SNRPB: variants seen among roughly 807,000 people sequenced by gnomAD.
SNRPB encodes small nuclear ribonucleoprotein-associated proteins B and B'.
A neutral mutation model predicts 26.6 loss-of-function variants in SNRPB; 5 were observed. The observed-to-expected ratio is 0.19, with a 90% confidence interval of 0.10 to 0.39. The LOEUF (loss-of-function observed/expected upper bound fraction) is 0.39, where lower values mean the gene tolerates loss of function less well. Among genes scored for constraint, SNRPB ranks in the 10% least tolerant of loss-of-function variants. SNRPB has a pLI of 1.00. For missense variants in SNRPB, 211 were observed against 311.9 expected, an observed-to-expected ratio of 0.68 and a Z score of 2.44; for synonymous variants, 122 against 105.8, an observed-to-expected ratio of 1.15 and a Z score of -0.94.
chr20:2,467,042 G>T, intron 2 of SNRPB: 1 of 268,790 alleles, frequency 3.7e-6, no homozygotes, highest in Non-Finnish European at 7.5e-6. Context: ...CTTTTAATGG[G>T]CCAAAAGCTT....
intron 2 of SNRPB, 117 bp downstream of exon 2, chr20:2,467,490 A>C: frequency 1.0e-6 from 1 of 958,738 alleles, no homozygotes; most frequent in Non-Finnish European, 1.6e-6. Flanking sequence ...CTGCCCTCTA[A>C]AACTGGAGAA....
rs376830313 is a variant in SNRPB at position 2,465,688 on chromosome 20, G to A, written c.267+20C>T. On this transcript the variant is annotated intron_variant, in intron 3 of 6. Transcript: ENST00000381342. Reference sequence around the variant, plus strand: ...CAGTAGGGCCTCCCCTCCTCCACAAGGCTTCCTGCTCTGACTTACATCTTT... The same window carrying A: ...CAGTAGGGCCTCCCCTCCTCCACAAAGCTTCCTGCTCTGACTTACATCTTT... The A allele has an allele frequency of 1.3e-6, 2 of 1,546,792 alleles. No individual in the cohort carries two copies. The highest frequency in any genetic ancestry group is 1.4e-5 in the African/African-American group (1 of 73,476).
chr20:2,470,664 G>T, intron 1 of SNRPB, 24 bp downstream of exon 1: 1 of 1,613,376 alleles, frequency 6.2e-7, no homozygotes, highest in Non-Finnish European at 8.5e-7. Flanking sequence ...AAGCTCCCGC[G>T]CCGCCAGCCT....
chr20:2,461,760 G>A lies in SNRPB; in HGVS notation c.*169C>T. 1.2e-6 allele frequency: 2 copies of A among 1,605,112 alleles called. No individual in the cohort carries two copies. Among genetic ancestry groups the A allele is most frequent in the Non-Finnish European group, 1.7e-6 (2 of 1,175,264 alleles). On this transcript the variant is annotated 3_prime_UTR_variant, in exon 7 of 7. Transcript: ENST00000381342. Reference sequence around the variant, plus strand: ...CTGAGGAGGGCCAAGATGAGTCTAGGGCCTTGGTGGGCGCATTCCCGGGGG... The same window carrying A: ...CTGAGGAGGGCCAAGATGAGTCTAGAGCCTTGGTGGGCGCATTCCCGGGGG...
chr20:2,465,734 T>C lies in SNRPB; in HGVS notation c.241A>G (p.Thr81Ala). 6.2e-7 allele frequency: 1 copy of C among 1,613,414 alleles called. No homozygotes were observed. Residue 81 changes from threonine to alanine, a missense_variant, in exon 3 of 7, where the codon ACA (threonine) becomes GCA (alanine). Transcript: ENST00000381342. ...TCTTTGGGAGGAGGTCCCTCTACTG[T>C]CATTGAGACCAGATTCTCCCCTCGC... ...LLRGENLVSM[T>A]VEGPPPKDTG...
At chr20:2,461,985 G>C in intron 6 of SNRPB, 46 bp from the exon 7 acceptor site, 1 of 1,447,652 alleles carries the variant, frequency 6.9e-7, no homozygotes, top group Non-Finnish European at 9.7e-7. Context: ...TCTGCAACTT[G>C]AATCCCCAAC....
intron 2 of SNRPB, among the ~76,000 whole-genome samples, chr20:2,466,559 T>C (rs1243664607): frequency 1.3e-5 from 2 of 152,194 alleles, no homozygotes; most frequent in Non-Finnish European, 2.9e-5. Flanking sequence ...TGTTTTGATA[T>C]TTTACAGTAT....
In SNRPB at chr20:2,463,813, A is replaced by C; in HGVS notation, c.354T>G (p.Val118=). Residue 118 remains valine (V), a synonymous_variant, in exon 4 of 7, where the codon GTT becomes GTG. Coordinates refer to ENST00000381342, the MANE Select transcript of SNRPB (RefSeq NM_003091.4). This position sits in a 1 kb window ranked among gnomAD's most constrained non-coding sequence, Gnocchi z 5.0. ...RAAGRGIPAG[V]PMPQAPAGLA... is the part of the protein sequence containing the mutation. ...GTCCTGCAGGAGCCTGGGGCATGGG[A>C]ACCCCAGCTGGGATTCCTCTGCCAG... is the stretch of plus-strand genomic sequence containing the variant. The C allele has an allele frequency of 6.2e-7, 1 of 1,613,294 alleles. No homozygotes were observed. The highest frequency in any genetic ancestry group is 2.2e-5 in the East Asian group (1 of 44,832).
In SNRPB at chr20:2,463,921, T is replaced by C; in HGVS notation, c.268-22A>G. On this transcript the variant is annotated intron_variant, in intron 3 of 6. Coordinates refer to ENST00000381342, the MANE Select transcript of SNRPB (RefSeq NM_003091.4). The surrounding 1 kb of genome is among the most constrained non-coding windows in gnomAD (Gnocchi z 5.0). The stretch of plus-strand genomic sequence containing the variant: ...CAGTCTGAAAAATAAACAAATATGC[T>C]CTGATGCCCAGTGATCTGAAGATCA... 1 of 1,605,116 alleles carries C rather than the reference T, an allele frequency of 6.2e-7. No individual in the cohort carries two copies. Among genetic ancestry groups the C allele is most frequent in the Non-Finnish European group, 8.5e-7 (1 of 1,172,870 alleles).
In SNRPB at chr20:2,463,980, C is replaced by T. The variant is rs1052180828; in HGVS notation, c.268-81G>A. ...CTTTGGAATATCATTGCCAAGAGAG[C>T]CCCTCGAAATAGCTTATAAATACTA... On this transcript the variant is annotated intron_variant, in intron 3 of 6. Transcript: ENST00000381342. This position sits in a 1 kb window ranked among gnomAD's most constrained non-coding sequence, Gnocchi z 5.0. 5.8e-5 allele frequency: 72 copies of T among 1,244,516 alleles called. No homozygotes were observed. The highest frequency in any genetic ancestry group is 1.9e-4 in the Middle Eastern group (1 of 5,340). 77.1% of individuals were successfully genotyped at this position (1,244,516 alleles called of 1,614,324 possible). A position where few individuals can be genotyped will look rare whatever the true frequency, so the allele number is the denominator to read the frequency against.
At chr20:2,464,245 T>A (rs2085056474) in intron 3 of SNRPB, among the ~76,000 whole-genome samples, 1 of 152,216 alleles carries the variant, frequency 6.6e-6, no homozygotes, top group Non-Finnish European at 1.5e-5. Flanking sequence ...CCCAGCTGAT[T>A]CTAATCCGCT....
intron 1 of SNRPB, among the ~76,000 whole-genome samples, chr20:2,469,771 C>T (rs574686117): frequency 1.3e-4 from 20 of 152,334 alleles, no homozygotes; most frequent in African/African-American, 4.8e-4. Context: ...ACATGCAAGG[C>T]CTTTAGTAAC....
chr20:2,470,787 T>C lies in SNRPB; in HGVS notation c.-97A>G, dbSNP rs531748438. The C allele has an allele frequency of 1.4e-4, 205 of 1,467,880 alleles. 1 individual carries two copies. In the South Asian group the frequency reaches 1.8e-3, roughly 13 times the overall value. 90.9% of individuals were successfully genotyped at this position (1,467,880 alleles called of 1,614,324 possible). On this transcript the variant is annotated 5_prime_UTR_variant, in exon 1 of 7. Transcript: ENST00000381342. ...GATTTCCCGCCGCCGCTACCGGAAATGCAGCACCACGTAAAATGCGGTCGG... is the reference window on the plus strand; with the variant it reads ...GATTTCCCGCCGCCGCTACCGGAAACGCAGCACCACGTAAAATGCGGTCGG...
chr20:2,462,486 GA>G, intron 6 of SNRPB, 149 bp downstream of exon 6: 1 of 801,514 alleles, frequency 1.2e-6, no homozygotes, highest in Non-Finnish European at 2.2e-6. Flanking sequence ...CCCAATTTAA[GA>G]AATGTTCCCT....
At position 2,465,693 on chromosome 20, in the gene SNRPB, C is replaced by T; in HGVS notation, c.267+15G>A. The T allele has an allele frequency of 6.4e-7, 1 of 1,571,960 alleles. No individual in the cohort carries two copies. Among genetic ancestry groups the T allele is most frequent in the Non-Finnish European group, 8.8e-7 (1 of 1,141,782 alleles). ...GGGCCTCCCCTCCTCCACAAGGCTTCCTGCTCTGACTTACATCTTTGGGAG... is the reference window on the plus strand; with the variant it reads ...GGGCCTCCCCTCCTCCACAAGGCTTTCTGCTCTGACTTACATCTTTGGGAG... On this transcript the variant is annotated intron_variant, in intron 3 of 6. Coordinates refer to ENST00000381342, the MANE Select transcript of SNRPB (RefSeq NM_003091.4).
At chr20:2,462,056 T>C in intron 6 of SNRPB, 117 bp from the exon 7 acceptor site, 1 of 701,344 alleles carries the variant, frequency 1.4e-6, no homozygotes, top group Non-Finnish European at 2.5e-6. Flanking sequence ...ACATGGCATA[T>C]GTGCTAACTA....
chr20:2,469,507 C>T (rs2085098641), intron 1 of SNRPB, among the ~76,000 whole-genome samples: 2 of 152,098 alleles, frequency 1.3e-5, no homozygotes, highest in Admixed American at 6.5e-5. Flanking sequence ...GTCTGGCCAA[C>T]ATGGTGAAAC....
intron 3 of SNRPB, among the ~76,000 whole-genome samples, chr20:2,464,512 G>C (rs1310245264): frequency 6.6e-6 from 1 of 152,116 alleles, no homozygotes; most frequent in Non-Finnish European, 1.5e-5. Flanking sequence ...AAAATGATTA[G>C]GATAAACTAC....
intron 3 of SNRPB, among the ~76,000 whole-genome samples, chr20:2,464,647 CA>C (rs919724746): frequency 1.3e-5 from 2 of 151,974 alleles, no homozygotes; most frequent in African/African-American, 2.4e-5. Context: ...GTGTTAAGTA[CA>C]AAAAAATCCA....
Sources: gnomAD v4.1 joint callset for allele counts (sites outside exome capture counted in the v4.1 genomes callset) on GRCh38, gnomAD v4.1.1 for gene constraint, Gnocchi (gnomAD v3.1) non-coding constraint, MANE v1.5 for transcripts, NCBI Gene and HGNC (gene_info 2026-07-23, HGNC 2026-07-21) for gene names.